Variants in FSD1L observed in about 807,000 individuals in gnomAD.
FSD1L encodes the protein FSD1-like protein.
FSD1L carries 45 observed loss-of-function variants against 71.6 expected under a neutral mutation model. That is an observed-to-expected ratio of 0.63 (90% CI 0.49 to 0.81). The LOEUF (loss-of-function observed/expected upper bound fraction) is 0.81, where lower values mean the gene tolerates loss of function less well. FSD1L is among the 30% of genes least tolerant of loss of function. The pLI is 0.00. For synonymous variants in FSD1L, 197 were observed against 207.2 expected, an observed-to-expected ratio of 0.95 and a Z score of 0.42; for missense variants, 561 against 618.1, an observed-to-expected ratio of 0.91 and a Z score of 0.98.
At chr9:105,450,207 C>T (rs1829903420) in intron 1 of FSD1L, among the ~76,000 whole-genome samples, 1 of 152,294 alleles carries the variant, frequency 6.6e-6, no homozygotes, top group African/African-American at 2.4e-5. Context: ...GACAGTAGTA[C>T]ACCCCAGACA....
chr9:105,480,445 C>T (rs1234717546), intron 6 of FSD1L, among the ~76,000 whole-genome samples: 1 of 152,054 alleles, frequency 6.6e-6, no homozygotes, highest in Non-Finnish European at 1.5e-5. Flanking sequence ...GCATGTGCCA[C>T]CACACCCAGC....
Position 105,525,444 on chromosome 9 carries a change from A to T in FSD1L, c.1026-9049A>T, listed in dbSNP as rs572376992. The T allele has an allele frequency of 4.4e-6, 7 of 1,608,198 alleles. No individual in the cohort carries two copies. In the Admixed American group the frequency reaches 8.5e-5, roughly 20 times the overall value. On this transcript the variant is annotated intron_variant, in intron 10 of 13. Transcript: ENST00000481272. ...CTATCCTTAAGCAACATACAGAAGAAAAAGAATTTGTTGAGAAGCACTTTA... is the reference window on the plus strand; with the variant it reads ...CTATCCTTAAGCAACATACAGAAGATAAAGAATTTGTTGAGAAGCACTTTA...
intron 7 of FSD1L, among the ~76,000 whole-genome samples, chr9:105,493,506 G>A (rs1172878381): frequency 5.3e-5 from 8 of 151,660 alleles, no homozygotes; most frequent in East Asian, 1.9e-4. Context: ...TTACATTTAA[G>A]GTTAATATTG....
intron 6 of FSD1L, among the ~76,000 whole-genome samples, chr9:105,481,746 C>T (rs1476692084): frequency 6.6e-6 from 1 of 151,486 alleles, no homozygotes; most frequent in African/African-American, 2.4e-5. Context: ...AAAATAATTA[C>T]TGTAGCTATT....
intron 3 of FSD1L, among the ~76,000 whole-genome samples, chr9:105,467,441 A>T (rs1350301067): frequency 6.6e-6 from 1 of 152,158 alleles, no homozygotes; most frequent in East Asian, 1.9e-4. Flanking sequence ...AATTCAAGTT[A>T]TTTTTTGTTG....
intron 5 of FSD1L, chr9:105,472,390 T>C (rs1322921637): frequency 5.8e-6 from 1 of 172,954 alleles, no homozygotes; most frequent in Non-Finnish European, 1.2e-5. Flanking sequence ...AAGGGATATG[T>C]TTAGTATAAA....
intron 4 of FSD1L, among the ~76,000 whole-genome samples, chr9:105,469,015 T>C (rs1747192622): frequency 6.6e-6 from 1 of 152,224 alleles, no homozygotes; most frequent in Non-Finnish European, 1.5e-5. Flanking sequence ...AGTGGAATCA[T>C]AGCATTTGTC....
chr9:105,487,376 A>G (rs1304824520), intron 7 of FSD1L, among the ~76,000 whole-genome samples: 1 of 151,708 alleles, frequency 6.6e-6, no homozygotes. Context: ...TGTACTGGAA[A>G]ATATTTGAAT....
chr9:105,508,627 T>G lies in FSD1L; in HGVS notation c.807T>G (p.Phe269Leu). The change falls in exon 9 of 14, where the codon TTT (phenylalanine) becomes TTG (leucine). Residue 269 changes from phenylalanine to leucine, a missense_variant. Physicochemically the swap from Phe to Leu is conservative, Grantham distance 22 (BLOSUM62 0). Coordinates refer to ENST00000481272, the MANE Select transcript of FSD1L (RefSeq NM_001145313.3). ...GTEYTLSGLKFDSKYMNFRVR... is the reference protein window; with the variant it reads ...GTEYTLSGLKLDSKYMNFRVR... Reference sequence around the variant, plus strand: ...TTTTCGTTTCTTCAGGCTTAAAATTTGATTCAAAGTATATGAATTTCAGAG... The same window carrying G: ...TTTTCGTTTCTTCAGGCTTAAAATTGGATTCAAAGTATATGAATTTCAGAG... 1 of 1,549,088 alleles carries G rather than the reference T, an allele frequency of 6.5e-7. No individual in the cohort carries two copies. Among genetic ancestry groups the G allele is most frequent in the African/African-American group, 1.4e-5 (1 of 73,124 alleles).
chr9:105,520,315 C>A (rs928450886), intron 10 of FSD1L: 15 of 1,416,332 alleles, frequency 1.1e-5, no homozygotes, highest in Non-Finnish European at 1.5e-5. Flanking sequence ...GAGCTGTCTT[C>A]CTGATGCGTA....
chr9:105,475,616 A>C (rs1467849330), intron 5 of FSD1L, among the ~76,000 whole-genome samples: 1 of 152,230 alleles, frequency 6.6e-6, no homozygotes, highest in Non-Finnish European at 1.5e-5. Flanking sequence ...ACAATATAAA[A>C]AAACAGATCT....
chr9:105,513,035 G>C, intron 10 of FSD1L, 99 bp downstream of exon 10: 1 of 977,380 alleles, frequency 1.0e-6, no homozygotes, highest in Non-Finnish European at 1.4e-6. Context: ...ATATACCTAT[G>C]AGAGTTACAG....
Position 105,506,408 on chromosome 9 carries a change from C to T in FSD1L, c.596C>T (p.Ala199Val), listed in dbSNP as rs1834054858. Residue 199 changes from alanine (A) to valine (V), a missense_variant, in exon 8 of 14, where the codon GCT becomes GTT. This residue lies in a region of FSD1L where 410 missense variants were observed against 413.5 expected (regional missense o/e 0.99). Coordinates refer to ENST00000481272, the MANE Select transcript of FSD1L (RefSeq NM_001145313.3). ...QTLKFLPVPK[A>V]PEIDPVECLV... Reference sequence around the variant, plus strand: ...TTTTTCTTCTTTGCAGTCCCCAAAGCTCCAGAGATAGATCCAGTAGAGTGT... The same window carrying T: ...TTTTTCTTCTTTGCAGTCCCCAAAGTTCCAGAGATAGATCCAGTAGAGTGT... 6.5e-7 allele frequency: 1 copy of T among 1,549,862 alleles called. No homozygotes were observed. Among genetic ancestry groups the T allele is most frequent in the Non-Finnish European group, 8.7e-7 (1 of 1,145,936 alleles).
At chr9:105,530,774 G>T in intron 10 of FSD1L, 1 of 517,968 alleles carries the variant, frequency 1.9e-6, no homozygotes, top group Non-Finnish European at 3.4e-6. Flanking sequence ...GACAATCATT[G>T]ATTTATTACA....
rs142738832 is a variant in FSD1L at position 105,518,661 on chromosome 9, A to G, written c.1025+5725A>G. Among the ~76,000 whole-genome samples, 849 of 152,344 alleles carry G rather than the reference A, an allele frequency of 5.6e-3. 6 individuals carry two copies. The highest frequency in any genetic ancestry group is 0.02 in the African/African-American group (813 of 41,566). Reference sequence around the variant, plus strand: ...AGAATCTCTGGGACACATTCAAAGCAGTGTGTAGAGGGAAATTTATAGCAC... The same window carrying G: ...AGAATCTCTGGGACACATTCAAAGCGGTGTGTAGAGGGAAATTTATAGCAC... On this transcript the variant is annotated intron_variant, in intron 10 of 13. Transcript: ENST00000481272.
chr9:105,444,555 G>A (rs1407162444), upstream of FSD1L, among the ~76,000 whole-genome samples: 1 of 152,152 alleles, frequency 6.6e-6, no homozygotes, highest in Admixed American at 6.5e-5. Flanking sequence ...GCAATACCTG[G>A]CACCACTCAG....
intron 7 of FSD1L, among the ~76,000 whole-genome samples, chr9:105,490,331 C>T (rs919373100): frequency 5.3e-5 from 8 of 151,808 alleles, no homozygotes; most frequent in Non-Finnish European, 8.8e-5. Flanking sequence ...TCATGTCCTT[C>T]GCCCACTTTT....
chr9:105,492,724 A>C (rs545074118), intron 7 of FSD1L, among the ~76,000 whole-genome samples: 1 of 152,148 alleles, frequency 6.6e-6, no homozygotes, highest in Non-Finnish European at 1.5e-5. Context: ...GGTTTCAAAG[A>C]ACATCTTTAT....
chr9:105,508,533 T>G, intron 8 of FSD1L, 84 bp from the exon 9 acceptor site: 1 of 761,062 alleles, frequency 1.3e-6, no homozygotes, highest in Non-Finnish European at 2.2e-6. Flanking sequence ...ACACGGTTCT[T>G]AATGCCTGAA....
Sources: allele counts gnomAD v4.1 joint callset (sites outside exome capture counted in the v4.1 genomes callset), GRCh38; gene constraint gnomAD v4.1.1; regional missense constraint gnomAD v4.1.1; transcripts MANE v1.5; gene names NCBI Gene and HGNC (gene_info 2026-07-23, HGNC 2026-07-21).